Variants in MED27 observed in about 807,000 individuals in gnomAD.
MED27 encodes mediator complex subunit 27.
In MED27, 30 loss-of-function variants were observed where a neutral mutation model predicts 38.2. That is an observed-to-expected ratio of 0.79 (90% CI 0.59 to 1.07). The LOEUF (loss-of-function observed/expected upper bound fraction) is 1.07. MED27 is among the 50% of genes least tolerant of loss of function. The probability of loss-of-function intolerance (pLI) is 0.00; values close to 1 mark genes in which losing one functional copy is unlikely to be tolerated. For missense variants in MED27, 289 were observed against 397.5 expected (o/e 0.73, Z 2.32); for synonymous variants, 122 against 153.5 (o/e 0.79, Z 1.52).
Position 131,872,511 on chromosome 9 carries a change from TGAAGA to T in MED27, c.724-9376_724-9372del, listed in dbSNP as rs138512456. Among the ~76,000 whole-genome samples the T allele has an allele frequency of 6.5e-3, 989 of 152,330 alleles. 9 individuals carry two copies. Among genetic ancestry groups the T allele is most frequent in the African/African-American group, 0.02 (838 of 41,578 alleles). On this transcript the variant is annotated intron_variant, in intron 6 of 7. Coordinates refer to ENST00000292035, the MANE Select transcript of MED27 (RefSeq NM_004269.4). The surrounding 1 kb of genome is among the most constrained non-coding windows in gnomAD (Gnocchi z 5.6). Reference sequence around the variant, plus strand: ...AGCCAATATCGGCTTCTACGTACTGTGAAGAGAAGATTCTCTTAGATCTGGGTGAA... The same window carrying T: ...AGCCAATATCGGCTTCTACGTACTGTGAAGATTCTCTTAGATCTGGGTGAA...
At chr9:131,910,251 C>A (rs529914294) in intron 4 of MED27, among the ~76,000 whole-genome samples, 1 of 152,116 alleles carries the variant, frequency 6.6e-6, no homozygotes, top group African/African-American at 2.4e-5. Flanking sequence ...ATTACACAAC[C>A]ACACAATAAA....
At chr9:131,912,710 C>CA (rs1234096119) in intron 4 of MED27, among the ~76,000 whole-genome samples, 1 of 152,190 alleles carries the variant, frequency 6.6e-6, no homozygotes, top group Non-Finnish European at 1.5e-5. Context: ...CTCTTAAATT[C>CA]CTTTTTATGG....
intron 2 of MED27, among the ~76,000 whole-genome samples, chr9:132,071,840 C>T (rs1183213960): frequency 2.0e-5 from 3 of 151,338 alleles, no homozygotes; most frequent in Non-Finnish European, 4.4e-5. Context: ...CACACATACA[C>T]ACACCCCATG....
At chr9:132,045,443 CACACACACACAG>C (rs1360362468) in intron 2 of MED27, among the ~76,000 whole-genome samples, 3 of 151,524 alleles carry the variant, frequency 2.0e-5, no homozygotes, top group African/African-American at 7.3e-5. Flanking sequence ...CACACACACA[CACACACACACAG>C]ACACACACCT....
chr9:131,890,348 T>C (rs1287806635), intron 5 of MED27, among the ~76,000 whole-genome samples: 1 of 152,190 alleles, frequency 6.6e-6, no homozygotes, highest in Non-Finnish European at 1.5e-5. Flanking sequence ...ACGCATACAG[T>C]TGTAAAGGGG....
intron 2 of MED27, among the ~76,000 whole-genome samples, chr9:132,047,315 A>C (rs996381364): frequency 6.6e-6 from 1 of 152,126 alleles, no homozygotes; most frequent in Non-Finnish European, 1.5e-5. Context: ...CACGAGGAAG[A>C]GTACCAAATA....
chr9:131,951,090 G>A (rs1184240474), intron 3 of MED27, among the ~76,000 whole-genome samples: 1 of 152,206 alleles, frequency 6.6e-6, no homozygotes, highest in Non-Finnish European at 1.5e-5. Context: ...CACAAAAACA[G>A]ACCTTCCTGG....
At chr9:132,075,649 G>GT (rs542519220) in intron 2 of MED27, among the ~76,000 whole-genome samples, 18 of 152,264 alleles carry the variant, frequency 1.2e-4, no homozygotes, top group African/African-American at 4.3e-4. Context: ...TCACTTCAAT[G>GT]TAAGACTAGT....
chr9:131,931,472 GAAGT>G (rs1830586919), intron 4 of MED27, among the ~76,000 whole-genome samples: 1 of 152,046 alleles, frequency 6.6e-6, no homozygotes, highest in Non-Finnish European at 1.5e-5. Flanking sequence ...CAAAATGGAA[GAAGT>G]AAGTCCTTAC....
chr9:131,998,252 T>TAA (rs1180768153), intron 3 of MED27, among the ~76,000 whole-genome samples: 2 of 141,360 alleles, frequency 1.4e-5, no homozygotes, highest in East Asian at 2.0e-4. Context: ...AGCATCATCT[T>TAA]AAAAAAAAAA....
At chr9:132,056,824 G>C (rs1380253395) in intron 2 of MED27, among the ~76,000 whole-genome samples, 1 of 152,156 alleles carries the variant, frequency 6.6e-6, no homozygotes, top group Non-Finnish European at 1.5e-5. Context: ...CCAGAACAAA[G>C]AGCTGGCTCC....
In MED27 at chr9:131,860,818, G is replaced by A. The variant is rs139926953; in HGVS notation, c.802-146C>T. ...TGTGATTTCACAGGGAGCAGCAGGC[G>A]GAACCCACAAGGTCACCTGACTGCT... On this transcript the variant is annotated intron_variant, in intron 7 of 7. Transcript: ENST00000292035. The surrounding 1 kb of genome is among the most constrained non-coding windows in gnomAD (Gnocchi z 5.8). The A allele has an allele frequency of 1.0e-4, 92 of 888,120 alleles. No individual in the cohort carries two copies. Among genetic ancestry groups the A allele is most frequent in the African/African-American group, 3.6e-4 (21 of 58,618 alleles). 55.0% of individuals were successfully genotyped at this position (888,120 alleles called of 1,614,324 possible).
chr9:132,005,895 A>G (rs1832348875), intron 3 of MED27, among the ~76,000 whole-genome samples: 1 of 152,208 alleles, frequency 6.6e-6, no homozygotes, highest in Admixed American at 6.5e-5. Flanking sequence ...TCTCCTCCTT[A>G]TTAATATGGT....
At position 131,862,744 on chromosome 9, in the gene MED27, C is replaced by T. The variant is rs1838673423; in HGVS notation, c.801+319G>A. ...TAATTCACTGCTACATGCTCTGTGC[C>T]AACCACAGGGCCTGGCCCAGATTAG... On this transcript the variant is annotated intron_variant, in intron 7 of 7. Transcript: ENST00000292035. The surrounding 1 kb of genome is among the most constrained non-coding windows in gnomAD (Gnocchi z 4.6). 6.6e-6 allele frequency among the ~76,000 whole-genome samples: 1 copy of T among 152,190 alleles called. No homozygotes were observed. Among genetic ancestry groups the T allele is most frequent in the Admixed American group, 6.5e-5 (1 of 15,286 alleles).
intron 5 of MED27, among the ~76,000 whole-genome samples, chr9:131,891,731 A>T (rs1358039931): frequency 6.6e-6 from 1 of 152,178 alleles, no homozygotes; most frequent in East Asian, 1.9e-4. Flanking sequence ...GTATTTTAGG[A>T]AGACAGCTCT....
chr9:132,011,949 CTT>C (rs55947789), intron 3 of MED27, among the ~76,000 whole-genome samples: 79,516 of 138,324 alleles, frequency 0.57, 22,066 homozygotes, highest in Non-Finnish European at 0.64. Context: ...ACCTCTCGCT[CTT>C]TTTTTTTTTT....
At chr9:131,975,122 GTTAT>G (rs1199219700) in intron 3 of MED27, among the ~76,000 whole-genome samples, 1 of 152,178 alleles carries the variant, frequency 6.6e-6, no homozygotes, top group African/African-American at 2.4e-5. Flanking sequence ...TTTAGTTGCT[GTTAT>G]TTATCTCTTT....
intron 3 of MED27, among the ~76,000 whole-genome samples, chr9:131,946,177 T>C (rs1385209205): frequency 6.6e-6 from 1 of 152,208 alleles, no homozygotes; most frequent in East Asian, 1.9e-4. Context: ...TGATTCCACA[T>C]CTTGGCTATT....
chr9:131,970,184 G>T (rs1034475245), intron 3 of MED27, among the ~76,000 whole-genome samples: 1 of 152,242 alleles, frequency 6.6e-6, no homozygotes, highest in Non-Finnish European at 1.5e-5. Context: ...GTCACCAAGG[G>T]GCTGCAGAAC....
Sources: gnomAD v4.1 joint callset for allele counts (sites outside exome capture counted in the v4.1 genomes callset) on GRCh38, gnomAD v4.1.1 for gene constraint, Gnocchi (gnomAD v3.1) non-coding constraint, MANE v1.5 for transcripts, NCBI Gene and HGNC (gene_info 2026-07-23, HGNC 2026-07-21) for gene names.